The following PCDH7 variants were observed in gnomAD, a reference collection of about 807,000 sequenced individuals.
PCDH7 encodes the protein protocadherin-7.
Under a neutral mutation model 58.9 loss-of-function variants are expected in PCDH7, and 17 were observed. The ratio of observed to expected loss-of-function variants is 0.29; its 90% CI spans 0.20 to 0.43. The LOEUF (loss-of-function observed/expected upper bound fraction) is 0.43, where lower values mean the gene tolerates loss of function less well. Among genes scored for constraint, PCDH7 ranks in the 20% least tolerant of loss-of-function variants. The probability of loss-of-function intolerance (pLI) is 1.00; values close to 1 mark genes in which losing one functional copy is unlikely to be tolerated. For missense variants in PCDH7, 1,274 were observed against 1,441.0 expected (o/e 0.88, Z 1.88); for synonymous variants, 664 against 616.4 (o/e 1.08, Z -1.14).
chr4:30,840,398 C>T (rs1265528564), intron 1 of PCDH7, among the ~76,000 whole-genome samples: 4 of 152,092 alleles, frequency 2.6e-5, no homozygotes, highest in South Asian at 2.1e-4. Context: ...CTGATCTCAT[C>T]GCTTCCTTTA....
chr4:30,875,044 A>G (rs1736117315), intron 1 of PCDH7, among the ~76,000 whole-genome samples: 1 of 152,102 alleles, frequency 6.6e-6, no homozygotes, highest in Non-Finnish European at 1.5e-5. Context: ...GTTGGCTAAG[A>G]CCTTAGAGAC....
intron 3 of PCDH7, among the ~76,000 whole-genome samples, chr4:31,136,138 A>G (rs1006370607): frequency 5.3e-5 from 8 of 152,206 alleles, no homozygotes; most frequent in East Asian, 1.9e-4. Context: ...GTTCTCTTAA[A>G]CAATATCCTT....
chr4:30,825,782 A>G (rs939256936), intron 1 of PCDH7, among the ~76,000 whole-genome samples: 1 of 151,904 alleles, frequency 6.6e-6, no homozygotes, highest in Non-Finnish European at 1.5e-5. Flanking sequence ...TTGTATGGCT[A>G]TTTTTTTTAC....
chr4:30,860,284 T>C (rs1734029509), intron 1 of PCDH7, among the ~76,000 whole-genome samples: 1 of 152,108 alleles, frequency 6.6e-6, no homozygotes, highest in African/African-American at 2.4e-5. Context: ...GAGAGTTTCC[T>C]AAGGGGATAA....
intron 3 of PCDH7, among the ~76,000 whole-genome samples, chr4:31,047,765 T>G (rs1041059374): frequency 6.6e-6 from 1 of 152,088 alleles, no homozygotes; most frequent in Non-Finnish European, 1.5e-5. Context: ...AGCTGATGCC[T>G]TAACCTATAT....
At chr4:30,906,547 A>G (rs1297226423) in intron 1 of PCDH7, among the ~76,000 whole-genome samples, 1 of 152,208 alleles carries the variant, frequency 6.6e-6, no homozygotes, top group Non-Finnish European at 1.5e-5. Flanking sequence ...TATAAAGGCT[A>G]TACAGTATAG....
chr4:30,764,650 A>G (rs371561327), intron 1 of PCDH7, among the ~76,000 whole-genome samples: 1 of 152,282 alleles, frequency 6.6e-6, no homozygotes, highest in South Asian at 2.1e-4. Context: ...GGTATATGAG[A>G]TGAAGACCTA....
chr4:30,777,500 T>C (rs1183366332), intron 1 of PCDH7, among the ~76,000 whole-genome samples: 3 of 152,200 alleles, frequency 2.0e-5, no homozygotes, highest in Non-Finnish European at 4.4e-5. Context: ...GAATATTATG[T>C]AAAGTGCTTT....
chr4:31,132,422 A>G (rs2109337821), intron 3 of PCDH7, among the ~76,000 whole-genome samples: 1 of 152,228 alleles, frequency 6.6e-6, no homozygotes, highest in East Asian at 1.9e-4. Context: ...TAAAGTAAAC[A>G]TCCATTCCTG....
chr4:31,061,878 A>G (rs1458705326), intron 3 of PCDH7, among the ~76,000 whole-genome samples: 1 of 151,746 alleles, frequency 6.6e-6, no homozygotes, highest in Non-Finnish European at 1.5e-5. Context: ...TTGGTTGTGC[A>G]TATACACAGA....
At chr4:30,728,302 G>T (rs199553147) in intron 1 of PCDH7, among the ~76,000 whole-genome samples, 1,731 of 130,522 alleles carry the variant, frequency 0.013, 9 homozygotes, top group East Asian at 0.038. Flanking sequence ...TATATAGAGA[G>T]AGAGAGAGAG....
At chr4:31,125,159 A>G (rs1448147545) in intron 3 of PCDH7, among the ~76,000 whole-genome samples, 1 of 152,068 alleles carries the variant, frequency 6.6e-6, no homozygotes, top group African/African-American at 2.4e-5. Context: ...TTTGACTTGG[A>G]TACAAAATTT....
chr4:30,940,544 T>A (rs1235072794), intron 2 of PCDH7, among the ~76,000 whole-genome samples: 4 of 152,044 alleles, frequency 2.6e-5, no homozygotes, highest in Non-Finnish European at 1.5e-5. Context: ...AGACAAAGAT[T>A]TAGTTTCTTC....
chr4:31,128,546 C>A (rs1718591057), intron 3 of PCDH7, among the ~76,000 whole-genome samples: 1 of 152,108 alleles, frequency 6.6e-6, no homozygotes, highest in Non-Finnish European at 1.5e-5. Context: ...TAAATATTAT[C>A]TCCCAAGTTT....
At chr4:30,830,579 C>T (rs1729650002) in intron 1 of PCDH7, among the ~76,000 whole-genome samples, 1 of 151,922 alleles carries the variant, frequency 6.6e-6, no homozygotes, top group Non-Finnish European at 1.5e-5. Context: ...TTAGATAGGA[C>T]TTGTTTTTCT....
chr4:31,143,179 T>C (rs140555832), downstream of PCDH7: 1 of 196,390 alleles, frequency 5.1e-6, no homozygotes, highest in African/African-American at 2.4e-5. Context: ...TCACAGTAAC[T>C]GTACGAAGCC....
intron 3 of PCDH7, among the ~76,000 whole-genome samples, chr4:31,134,912 T>C (rs2109340541): frequency 6.6e-6 from 1 of 152,286 alleles, no homozygotes; most frequent in South Asian, 2.1e-4. Context: ...AATAGCACAG[T>C]ATCACTTCTG....
downstream of PCDH7, among the ~76,000 whole-genome samples, chr4:30,733,612 TG>T (rs1202908851): frequency 6.6e-6 from 1 of 152,162 alleles, no homozygotes; most frequent in African/African-American, 2.4e-5. Context: ...AGTTTATATT[TG>T]TATCATGCTT....
chr4:30,824,803 G>A (rs1172460461), intron 1 of PCDH7, among the ~76,000 whole-genome samples: 2 of 152,130 alleles, frequency 1.3e-5, no homozygotes, highest in Non-Finnish European at 2.9e-5. Flanking sequence ...CTTCGACTTT[G>A]TAGGAAATAG....
Sources: allele counts gnomAD v4.1 joint callset (sites outside exome capture counted in the v4.1 genomes callset), GRCh38; gene constraint gnomAD v4.1.1; transcripts MANE v1.5; gene names NCBI Gene and HGNC (gene_info 2026-07-23, HGNC 2026-07-21).